Variants in LGSN observed in about 807,000 individuals in gnomAD.
LGSN encodes the protein lengsin.
Under a neutral mutation model 19.5 loss-of-function variants are expected in LGSN, and 21 were observed. That is an observed-to-expected ratio of 1.07 (90% CI 0.76 to 1.55). LGSN has a LOEUF of 1.55. Ranked by LOEUF, LGSN falls within the 40% of genes most tolerant of loss-of-function variation. LGSN has a pLI of 0.00. For synonymous variants in LGSN, 257 were observed against 215.6 expected (o/e 1.19, Z -1.68); for missense variants, 673 against 608.5 (o/e 1.11, Z -1.12).
At chr6:63,508,990 C>CTT in the LGSN span, among the ~76,000 whole-genome samples, 1 of 150,374 alleles carries the variant, frequency 6.7e-6, no homozygotes, top group East Asian at 1.9e-4. Flanking sequence ...AGGTGTTCAC[C>CTT]TTATAATAAT....
At position 63,316,727 on chromosome 6, in the gene LGSN, G is replaced by C. The variant is rs538075587; in HGVS notation, c.30+3187C>G. ...AGAAAAGCAACAAAAATATTTCAAA[G>C]GTAAAAAGACATGTAGAAAAAATTT... On this transcript the variant is annotated intron_variant, in intron 1 of 3. Transcript: ENST00000370657. Among the ~76,000 whole-genome samples, 168 of 151,376 alleles carry C rather than the reference G, an allele frequency of 1.1e-3. 1 individual carries two copies. The highest frequency in any genetic ancestry group is 2.3e-3 in the South Asian group (11 of 4,812).
At chr6:63,322,393 A>G (rs7764987), upstream of LGSN, among the ~76,000 whole-genome samples, 5,485 of 152,240 alleles carry the variant, frequency 0.036, 335 homozygotes, top group African/African-American at 0.13. Context: ...GAAGGAAATA[A>G]TCTTTCTTAT....
the LGSN span, among the ~76,000 whole-genome samples, chr6:63,354,721 A>C: frequency 6.6e-6 from 1 of 152,206 alleles, no homozygotes; most frequent in African/African-American, 2.4e-5. Flanking sequence ...AACAGCAAAG[A>C]CAGAGAATCA....
the LGSN span, among the ~76,000 whole-genome samples, chr6:63,378,288 T>A: frequency 6.6e-6 from 1 of 152,072 alleles, no homozygotes; most frequent in Admixed American, 6.5e-5. Flanking sequence ...CTGAATGACT[T>A]TTATATACTT....
At chr6:63,442,235 G>A in the LGSN span, among the ~76,000 whole-genome samples, 1 of 152,320 alleles carries the variant, frequency 6.6e-6, no homozygotes, top group East Asian at 1.9e-4. Flanking sequence ...TTCACGGTGA[G>A]TGTTATAGCT....
the LGSN span, among the ~76,000 whole-genome samples, chr6:63,540,944 A>G: frequency 6.6e-5 from 10 of 151,744 alleles, no homozygotes; most frequent in African/African-American, 2.4e-4. Context: ...CGGAGGTTGC[A>G]GTGAGCCAAG....
chr6:63,300,324 AT>A (rs937599663), intron 1 of LGSN, among the ~76,000 whole-genome samples: 21 of 152,162 alleles, frequency 1.4e-4, no homozygotes, highest in Non-Finnish European at 2.8e-4. Flanking sequence ...TACCTACGTT[AT>A]TTTTTCAAAA....
At chr6:63,572,469 G>A in the LGSN span, 1 of 386,882 alleles carries the variant, frequency 2.6e-6, no homozygotes. Context: ...GAGGGCTTGT[G>A]ACGCAAGGGC....
the LGSN span, among the ~76,000 whole-genome samples, chr6:63,432,113 GAAA>G: frequency 5.7e-5 from 5 of 88,114 alleles, no homozygotes; most frequent in South Asian, 8.5e-4. Context: ...AAGAAAGAAA[GAAA>G]GAAAGAAAGA....
the LGSN span, among the ~76,000 whole-genome samples, chr6:63,421,175 A>G: frequency 6.6e-6 from 1 of 151,980 alleles, no homozygotes; most frequent in Non-Finnish European, 1.5e-5. Flanking sequence ...TAATCCCAGC[A>G]TTTTGGGAGG....
At chr6:63,479,512 G>A in the LGSN span, among the ~76,000 whole-genome samples, 1 of 152,070 alleles carries the variant, frequency 6.6e-6, no homozygotes, top group Admixed American at 6.6e-5. Flanking sequence ...GGCCGAGGCT[G>A]GCGGATCTCG....
chr6:63,388,831 T>A, the LGSN span, among the ~76,000 whole-genome samples: 1 of 152,174 alleles, frequency 6.6e-6, no homozygotes, highest in Non-Finnish European at 1.5e-5. Flanking sequence ...CTAATGTGGT[T>A]CTAATAGACA....
At chr6:63,306,122 A>G (rs1162155096) in intron 1 of LGSN, among the ~76,000 whole-genome samples, 1 of 152,216 alleles carries the variant, frequency 6.6e-6, no homozygotes, top group East Asian at 1.9e-4. Context: ...TAACATTTTA[A>G]AAGCATTGCC....
the LGSN span, among the ~76,000 whole-genome samples, chr6:63,374,907 C>G: frequency 1.3e-5 from 2 of 151,816 alleles, no homozygotes; most frequent in Non-Finnish European, 2.9e-5. Context: ...CAAGTACAGT[C>G]TTGTAATAAA....
At chr6:63,324,231 G>A (rs947871066), upstream of LGSN, among the ~76,000 whole-genome samples, 2 of 152,144 alleles carry the variant, frequency 1.3e-5, no homozygotes, top group East Asian at 3.8e-4. Flanking sequence ...AATCCCTAGG[G>A]GTCCCTGAAC....
chr6:63,401,625 G>A, the LGSN span, among the ~76,000 whole-genome samples: 1 of 152,188 alleles, frequency 6.6e-6, no homozygotes, highest in Admixed American at 6.5e-5. Flanking sequence ...TTGCCCAGCT[G>A]TAAGTGGGAA....
chr6:63,281,675 AG>A (rs1411449826), intron 3 of LGSN, among the ~76,000 whole-genome samples: 1 of 152,120 alleles, frequency 6.6e-6, no homozygotes, highest in Non-Finnish European at 1.5e-5. Flanking sequence ...GACCCTCAAA[AG>A]TCTACAGTAA....
At chr6:63,314,435 G>A (rs376682472) in intron 1 of LGSN, among the ~76,000 whole-genome samples, 2 of 152,186 alleles carry the variant, frequency 1.3e-5, no homozygotes, top group African/African-American at 2.4e-5. Flanking sequence ...GCCAACCTAC[G>A]GCAATTTGTT....
At chr6:63,429,422 A>G in the LGSN span, among the ~76,000 whole-genome samples, 1 of 152,116 alleles carries the variant, frequency 6.6e-6, no homozygotes, top group African/African-American at 2.4e-5. Flanking sequence ...AAGTATACAG[A>G]CTCAAACATT....
Sources: allele counts gnomAD v4.1 joint callset (sites outside exome capture counted in the v4.1 genomes callset), GRCh38; gene constraint gnomAD v4.1.1; transcripts MANE v1.5; gene names NCBI Gene and HGNC (gene_info 2026-07-23, HGNC 2026-07-21).